ERBB4: variants seen among roughly 807,000 people sequenced by gnomAD.
ERBB4 encodes the protein receptor tyrosine-protein kinase erbB-4.
Under a neutral mutation model 158.0 loss-of-function variants are expected in ERBB4, and 42 were observed. The ratio of observed to expected loss-of-function variants is 0.27; its 90% CI spans 0.21 to 0.34. The LOEUF is 0.34. Ranked by LOEUF, ERBB4 falls within the 10% of genes least tolerant of loss-of-function variation. ERBB4 has a pLI of 1.00. For missense variants in ERBB4, 1,333 were observed against 1,624.1 expected (o/e 0.82, Z 3.08); for synonymous variants, 583 against 558.7 (o/e 1.04, Z -0.61).
intron 1 of ERBB4, among the ~76,000 whole-genome samples, chr2:212,504,893 A>G (rs941673131): frequency 9.2e-5 from 14 of 152,216 alleles, no homozygotes; most frequent in Non-Finnish European, 1.9e-4. Context: ...GTGTGCCAGG[A>G]AAGTAATACT....
intron 1 of ERBB4, among the ~76,000 whole-genome samples, chr2:212,409,567 A>G (rs1157764446): frequency 6.6e-6 from 1 of 152,148 alleles, no homozygotes; most frequent in Non-Finnish European, 1.5e-5. Flanking sequence ...TTCAAAGTGC[A>G]TGTTCTTTAC....
intron 7 of ERBB4, among the ~76,000 whole-genome samples, chr2:211,715,118 T>G (rs1375785959): frequency 1.3e-5 from 2 of 152,206 alleles, no homozygotes; most frequent in Admixed American, 1.3e-4. Context: ...GCGAAATTGA[T>G]TACTCATTTT....
chr2:211,734,098 A>C (rs2074522028), intron 5 of ERBB4, among the ~76,000 whole-genome samples: 1 of 152,188 alleles, frequency 6.6e-6, no homozygotes, highest in African/African-American at 2.4e-5. Context: ...TATTTTTAAA[A>C]ATTGAAAATA....
chr2:212,382,618 A>C (rs983077776), intron 1 of ERBB4, among the ~76,000 whole-genome samples: 2 of 151,124 alleles, frequency 1.3e-5, no homozygotes, highest in Non-Finnish European at 3.0e-5. Context: ...AAATGAAAAT[A>C]CTTGAATAAA....
chr2:211,761,056 G>A (rs776071459), intron 4 of ERBB4, among the ~76,000 whole-genome samples: 15 of 151,976 alleles, frequency 9.9e-5, no homozygotes, highest in East Asian at 1.9e-4. Flanking sequence ...TTAACTGGGC[G>A]TGGTGGCGCG....
chr2:211,895,582 T>C (rs1413998291), intron 3 of ERBB4, among the ~76,000 whole-genome samples: 1 of 152,074 alleles, frequency 6.6e-6, no homozygotes, highest in African/African-American at 2.4e-5. Context: ...GTATTATCAA[T>C]TGCTCCCCCT....
intron 20 of ERBB4, among the ~76,000 whole-genome samples, chr2:211,483,896 A>G (rs937979414): frequency 1.3e-5 from 2 of 152,162 alleles, no homozygotes; most frequent in African/African-American, 4.8e-5. Context: ...AAGTAAGAAG[A>G]TAAAGAGCAA....
At chr2:212,460,671 T>C (rs1688526886) in intron 1 of ERBB4, among the ~76,000 whole-genome samples, 1 of 152,178 alleles carries the variant, frequency 6.6e-6, no homozygotes, top group Admixed American at 6.5e-5. Context: ...TTAGATGCTG[T>C]TAAAGCACTC....
At chr2:211,695,766 T>C (rs188434356) in intron 12 of ERBB4, among the ~76,000 whole-genome samples, 38 of 152,262 alleles carry the variant, frequency 2.5e-4, no homozygotes, top group African/African-American at 8.7e-4. Flanking sequence ...TTGATATTTA[T>C]CTTTCCTTTT....
intron 20 of ERBB4, among the ~76,000 whole-genome samples, chr2:211,436,451 C>T (rs965198895): frequency 2.6e-5 from 4 of 152,230 alleles, no homozygotes; most frequent in African/African-American, 7.2e-5. Context: ...TCTGTCATCA[C>T]CTTCCTCTCC....
At chr2:211,847,689 G>T (rs1341151710) in intron 3 of ERBB4, among the ~76,000 whole-genome samples, 2 of 151,948 alleles carry the variant, frequency 1.3e-5, no homozygotes, top group African/African-American at 2.4e-5. Context: ...TGTATTTTAT[G>T]TATGGCCCAA....
At chr2:212,338,856 G>A (rs970616307) in intron 1 of ERBB4, among the ~76,000 whole-genome samples, 73 of 152,182 alleles carry the variant, frequency 4.8e-4, no homozygotes, top group Non-Finnish European at 5.3e-4. Flanking sequence ...ACGGTAACAC[G>A]AAATTAATTA....
rs1439411487 is a variant in ERBB4 at position 211,422,061 on chromosome 2, C to T, written c.2910G>A (p.Leu970=). 2 of 1,612,510 alleles carry T rather than the reference C, an allele frequency of 1.2e-6. No homozygotes were observed. Among genetic ancestry groups the T allele is most frequent in the Non-Finnish European group, 1.7e-6 (2 of 1,178,746 alleles). Residue 970 remains leucine (L), a synonymous_variant, in exon 24 of 28, where the codon CTG becomes CTA. Coordinates refer to ENST00000342788, the MANE Select transcript of ERBB4 (RefSeq NM_005235.3). ...DADSRPKFKE[L]AAEFSRMARD... ...GAGCCATCCTTGAAAACTCAGCAGC[C>T]AGTTCCTTAAATTTAGGTCTACTGT...
At chr2:212,316,606 A>G (rs2087291839) in intron 1 of ERBB4, among the ~76,000 whole-genome samples, 1 of 151,484 alleles carries the variant, frequency 6.6e-6, no homozygotes, top group Admixed American at 6.6e-5. Context: ...GCACCCAGAT[A>G]GTCCCTGGCA....
intron 1 of ERBB4, among the ~76,000 whole-genome samples, chr2:212,220,077 T>C (rs1457167876): frequency 6.6e-6 from 1 of 151,312 alleles, no homozygotes; most frequent in Non-Finnish European, 1.5e-5. Flanking sequence ...GAAAATAGTT[T>C]TAATTTTGGA....
intron 1 of ERBB4, among the ~76,000 whole-genome samples, chr2:212,330,077 GACAAAC>G (rs1283703589): frequency 6.6e-6 from 1 of 152,004 alleles, no homozygotes; most frequent in Non-Finnish European, 1.5e-5. Flanking sequence ...CAAACTGAAA[GACAAAC>G]ATTTCAACAA....
chr2:212,023,427 A>G (rs1357514548), intron 2 of ERBB4, among the ~76,000 whole-genome samples: 1 of 152,064 alleles, frequency 6.6e-6, no homozygotes, highest in African/African-American at 2.4e-5. Flanking sequence ...GCACTAGCCA[A>G]CAAGCTTTAA....
chr2:211,856,603 G>A (rs1467889113), intron 3 of ERBB4, among the ~76,000 whole-genome samples: 1 of 151,864 alleles, frequency 6.6e-6, no homozygotes, highest in Non-Finnish European at 1.5e-5. Flanking sequence ...TAGCCAGGAT[G>A]GTCTCGATCT....
At chr2:211,720,220 A>G (rs1404861634) in intron 7 of ERBB4, among the ~76,000 whole-genome samples, 2 of 152,238 alleles carry the variant, frequency 1.3e-5, no homozygotes, top group African/African-American at 4.8e-5. Flanking sequence ...GCTTTTGCCT[A>G]TCACAGCAAG....
Sources: gnomAD v4.1 joint callset for allele counts (sites outside exome capture counted in the v4.1 genomes callset) on GRCh38, gnomAD v4.1.1 for gene constraint, MANE v1.5 for transcripts, NCBI Gene and HGNC (gene_info 2026-07-23, HGNC 2026-07-21) for gene names.